The following VIM variants were observed in gnomAD, a reference collection of about 807,000 sequenced individuals.
The protein encoded by VIM is epididymis secretory sperm binding protein.
Under a neutral mutation model 50.3 loss-of-function variants are expected in VIM, and 18 were observed. That is an observed-to-expected ratio of 0.36 (90% CI 0.25 to 0.53). VIM has a LOEUF of 0.53. Ranked by LOEUF, VIM falls within the 20% of genes least tolerant of loss-of-function variation. VIM has a pLI of 0.91. For missense variants in VIM, 551 were observed against 614.7 expected (o/e 0.90, Z 1.10); for synonymous variants, 245 against 248.5 (o/e 0.99, Z 0.13).
intron 1 of VIM, chr10:17,229,047 T>A (rs1429366792): frequency 2.8e-6 from 1 of 352,296 alleles, no homozygotes; most frequent in African/African-American, 2.2e-5. Flanking sequence ...GCTCAGACTA[T>A]CATCCGGAAA....
chr10:17,231,765 T>C (rs1056302756), intron 3 of VIM, among the ~76,000 whole-genome samples: 1 of 132,394 alleles, frequency 7.6e-6, no homozygotes, highest in Non-Finnish European at 1.6e-5. Flanking sequence ...TAAAGGGTTT[T>C]TGTGCGTGTT....
At chr10:17,237,043 C>T (rs1846902486) in intron 9 of VIM, among the ~76,000 whole-genome samples, 187 bp from the exon 10 acceptor site, 1 of 152,062 alleles carries the variant, frequency 6.6e-6, no homozygotes, top group Non-Finnish European at 1.5e-5. Context: ...CCTTATATTG[C>T]CTGTAGTGGA....
intron 6 of VIM, 148 bp downstream of exon 6, chr10:17,234,966 A>G: frequency 7.7e-7 from 1 of 1,291,660 alleles, no homozygotes; most frequent in Non-Finnish European, 1.1e-6. Flanking sequence ...CTCAAAAGGG[A>G]CTTCATGGAA....
chr10:17,230,527 C>A, intron 2 of VIM, 123 bp from the exon 3 acceptor site: 1 of 1,101,896 alleles, frequency 9.1e-7, no homozygotes, highest in Non-Finnish European at 1.4e-6. Flanking sequence ...GCTGCAGGCG[C>A]TAGTTGCGCG....
intron 6 of VIM, 81 bp downstream of exon 6, chr10:17,234,899 TG>T (rs1358836945): frequency 6.3e-7 from 1 of 1,587,650 alleles, no homozygotes; most frequent in South Asian, 1.1e-5. Context: ...CTGAACAAAA[TG>T]TTGAGTGAGT....
At chr10:17,231,907 G>A (rs1461974950) in intron 3 of VIM, among the ~76,000 whole-genome samples, 3 of 151,960 alleles carry the variant, frequency 2.0e-5, no homozygotes, top group Admixed American at 2.0e-4. Context: ...TAACTGCAAA[G>A]CACTCTCAGA....
chr10:17,234,884 G>A, intron 6 of VIM, 66 bp downstream of exon 6: 2 of 1,607,160 alleles, frequency 1.2e-6, no homozygotes, highest in Admixed American at 1.7e-5. Flanking sequence ...GGCTCATGAT[G>A]ATACCTGAAC....
At chr10:17,237,092 A>G in intron 9 of VIM, 138 bp from the exon 10 acceptor site, 1 of 779,104 alleles carries the variant, frequency 1.3e-6, no homozygotes, top group Non-Finnish European at 2.1e-6. Context: ...GTTTTCACTC[A>G]TGCAGAAGCA....
intron 7 of VIM, 199 bp from the exon 8 acceptor site, chr10:17,235,647 G>T: frequency 1.4e-6 from 1 of 704,826 alleles, no homozygotes; most frequent in Non-Finnish European, 2.4e-6. Flanking sequence ...ATGCTCCTGT[G>T]GAGAAAATGC....
intron 1 of VIM, 34 bp downstream of exon 1, chr10:17,228,558 C>A (rs958109415): frequency 6.6e-6 from 1 of 152,502 alleles, no homozygotes; most frequent in Non-Finnish European, 1.5e-5. Flanking sequence ...CGACCCCACC[C>A]CTCTCCCTCG....
Position 17,234,835 on chromosome 10 carries a change from C to T in VIM, c.1008+17C>T, listed in dbSNP as rs1846859759. 6.2e-7 allele frequency: 1 copy of T among 1,613,974 alleles called. No homozygotes were observed. Among genetic ancestry groups the T allele is most frequent in the Non-Finnish European group, 8.5e-7 (1 of 1,179,968 alleles). On this transcript the variant is annotated intron_variant, in intron 6 of 9. Transcript: ENST00000544301. ...AAAGGAACCGTGAGTACCAACCCTG[C>T]AGTAAAAGAGGGAAAATAATGACCC...
In VIM at chr10:17,229,574, G is replaced by A; in HGVS notation, c.152G>A (p.Ser51Asn). The part of the protein sequence containing the change: ...GSALRPSTSR[S>N]LYASSPGGVY... ...GCGCTGCGCCCCAGCACCAGCCGCA[G>A]CCTCTACGCCTCGTCCCCGGGCGGC... is the stretch of plus-strand genomic sequence containing the variant. The change falls in exon 2 of 10, where the codon AGC becomes AAC. Residue 51 changes from serine (S) to asparagine (N), a missense_variant. Physicochemically the swap from Ser to Asn is conservative, Grantham distance 46 (BLOSUM62 1). This residue lies in a region of VIM where 134 missense variants were observed against 126.4 expected (regional missense o/e 1.06). Coordinates refer to ENST00000544301, the MANE Select transcript of VIM (RefSeq NM_003380.5). 1 of 1,608,170 alleles carries A rather than the reference G, an allele frequency of 6.2e-7. No homozygotes were observed. Among genetic ancestry groups the A allele is most frequent in the Non-Finnish European group, 8.5e-7 (1 of 1,178,174 alleles).
At chr10:17,234,942 G>A (rs1260287322) in intron 6 of VIM, 124 bp downstream of exon 6, 8 of 1,446,866 alleles carry the variant, frequency 5.5e-6, no homozygotes, top group Non-Finnish European at 7.6e-6. Context: ...AAGAAAATGA[G>A]TTATCAAGAC....
intron 1 of VIM, chr10:17,228,941 T>G: frequency 5.9e-6 from 1 of 169,524 alleles, no homozygotes. Context: ...CCACGCCCCT[T>G]TGGCGTGGTG....
intron 3 of VIM, 113 bp downstream of exon 3, chr10:17,230,823 G>A: frequency 1.7e-6 from 2 of 1,210,906 alleles, no homozygotes; most frequent in Non-Finnish European, 2.4e-6. Flanking sequence ...TCAGGGCTGC[G>A]CGTAAAGCCC....
rs940631919 is a variant in VIM, at chr10:17,237,489, G to C, written c.*218G>C. 4 of 531,662 alleles carry C rather than the reference G, an allele frequency of 7.5e-6. No individual in the cohort carries two copies. The African/African-American group carries it at 7.7e-5, about 10-fold the overall frequency. The allele number at this position is 531,662 out of a possible 1,614,324, so 32.9% of individuals were successfully genotyped here. A position where few individuals can be genotyped will look rare whatever the true frequency, so the allele number is the denominator to read the frequency against. ...TAGTTTACAGAAAAATCTTGTGCTA[G>C]AATACTTTTTAAAAGGTATTTTGAA... On this transcript the variant is annotated 3_prime_UTR_variant, in exon 10 of 10. Transcript: ENST00000544301.
chr10:17,229,230 T>A, intron 1 of VIM, 46 bp from the exon 2 acceptor site: 2 of 372,526 alleles, frequency 5.4e-6, no homozygotes, highest in Non-Finnish European at 9.6e-6. Context: ...GAGGGGACCC[T>A]CTTTCCTAAC....
At chr10:17,230,060 C>T (rs935082773) in intron 2 of VIM, 75 bp downstream of exon 2, 63 of 1,494,006 alleles carry the variant, frequency 4.2e-5, no homozygotes, top group Non-Finnish European at 1.3e-5. Context: ...CCCCGGCCCC[C>T]GCGAGAGCTG....
chr10:17,232,506 A>G (rs1035209860), intron 3 of VIM, among the ~76,000 whole-genome samples: 2 of 152,236 alleles, frequency 1.3e-5, no homozygotes, highest in African/African-American at 4.8e-5. Flanking sequence ...ATTCTGAAAC[A>G]GGCTAACTGA....
Sources: allele counts gnomAD v4.1 joint callset (sites outside exome capture counted in the v4.1 genomes callset), GRCh38; gene constraint gnomAD v4.1.1; regional missense constraint gnomAD v4.1.1; transcripts MANE v1.5; gene names NCBI Gene and HGNC (gene_info 2026-07-23, HGNC 2026-07-21).